Variants in MDM1 observed in about 807,000 individuals in gnomAD.
MDM1 encodes stabilizer of axonemal microtubules 6, also known as Mdm1 nuclear protein.
Under a neutral mutation model 89.1 loss-of-function variants are expected in MDM1, and 61 were observed. The ratio of observed to expected loss-of-function variants is 0.68; its 90% confidence interval spans 0.56 to 0.85. The LOEUF (loss-of-function observed/expected upper bound fraction) is 0.85. Among genes scored for constraint, MDM1 ranks in the 40% least tolerant of loss-of-function variants. The pLI is 0.00. For missense variants in MDM1, 820 were observed against 846.5 expected, an observed-to-expected ratio of 0.97 and a Z score of 0.39; for synonymous variants, 290 against 294.1, an observed-to-expected ratio of 0.99 and a Z score of 0.14.
At chr12:68,326,435 A>T in intron 3 of MDM1, 1 of 1,457,700 alleles carries the variant, frequency 6.9e-7, no homozygotes, top group African/African-American at 1.4e-5. Context: ...CATCCAATAA[A>T]CAGATTATCA....
At position 68,332,235 on chromosome 12, in the gene MDM1, C is replaced by T. The variant is rs925250920; in HGVS notation, c.11G>A (p.Arg4His). Reference sequence around the variant, plus strand: ...CGGGGACCCCAGCCTCACCTTGAAGCGCACCGGCATGTCGCCCGGCGCCGG... The same window carrying T: ...CGGGGACCCCAGCCTCACCTTGAAGTGCACCGGCATGTCGCCCGGCGCCGG... MPVRFKGLSEYQRN... is the reference protein window; with the variant it reads MPVHFKGLSEYQRN... The change falls in exon 1 of 15, where the codon CGC (arginine) becomes CAC (histidine). Residue 4 changes from arginine to histidine, a missense_variant. Coordinates refer to ENST00000682720, the MANE Select transcript of MDM1 (RefSeq NM_001354969.2). The T allele has an allele frequency of 1.3e-6, 2 of 1,581,736 alleles. No homozygotes were observed. The highest frequency in any genetic ancestry group is 8.6e-7 in the Non-Finnish European group (1 of 1,164,740).
chr12:68,312,514 T>C (rs1207600842), intron 12 of MDM1, among the ~76,000 whole-genome samples: 1 of 152,126 alleles, frequency 6.6e-6, no homozygotes, highest in Non-Finnish European at 1.5e-5. Flanking sequence ...CAAACAACCA[T>C]CACCTCCTGC....
At chr12:68,332,122 C>A in intron 1 of MDM1, 106 bp downstream of exon 1, 1 of 1,481,080 alleles carries the variant, frequency 6.8e-7, no homozygotes, top group South Asian at 1.2e-5. Context: ...CAGCTTCCGC[C>A]GGGCAGAGGG....
chr12:68,328,103 G>T (rs374081660), intron 2 of MDM1, among the ~76,000 whole-genome samples: 1 of 152,108 alleles, frequency 6.6e-6, no homozygotes, highest in Non-Finnish European at 1.5e-5. Context: ...ACTCCAGTGC[G>T]TCCGCCCAAG....
At chr12:68,298,183 A>T (rs1351396962) in intron 13 of MDM1, among the ~76,000 whole-genome samples, 1 of 152,150 alleles carries the variant, frequency 6.6e-6, no homozygotes, top group East Asian at 1.9e-4. Context: ...CCAGAAAACC[A>T]GTGCCTGACC....
intron 12 of MDM1, among the ~76,000 whole-genome samples, chr12:68,311,537 T>G (rs1592964356): frequency 6.6e-6 from 1 of 152,182 alleles, no homozygotes; most frequent in Non-Finnish European, 1.5e-5. Context: ...TTTCCCTCTT[T>G]TAACAATAAA....
chr12:68,318,663 T>C (rs1221339405), intron 7 of MDM1, among the ~76,000 whole-genome samples: 3 of 152,148 alleles, frequency 2.0e-5, no homozygotes, highest in Non-Finnish European at 4.4e-5. Context: ...ATGAACTCAA[T>C]GTTAAATAGA....
chr12:68,295,218 C>A lies in MDM1; in HGVS notation c.*36G>T. On this transcript the variant is annotated 3_prime_UTR_variant, in exon 15 of 15. Coordinates refer to ENST00000682720, the MANE Select transcript of MDM1 (RefSeq NM_001354969.2). ...CAGTAAGCAATAAAGAAAAATTATG[C>A]CAATGTTTCCTTAGATAAAGGCAAC... 7.2e-7 allele frequency: 1 copy of A among 1,387,756 alleles called. No homozygotes were observed. The highest frequency in any genetic ancestry group is 1.0e-6 in the Non-Finnish European group (1 of 1,000,294). 86.0% of individuals were successfully genotyped at this position (1,387,756 alleles called of 1,614,324 possible).
intron 12 of MDM1, among the ~76,000 whole-genome samples, chr12:68,303,635 G>C (rs187725372): frequency 5.8e-4 from 88 of 152,142 alleles, no homozygotes; most frequent in Non-Finnish European, 9.4e-4. Flanking sequence ...ATAAGCATCT[G>C]GTTTTAAAAA....
chr12:68,329,536 A>G (rs1876491815), intron 2 of MDM1, among the ~76,000 whole-genome samples: 2 of 152,230 alleles, frequency 1.3e-5, no homozygotes, highest in African/African-American at 4.8e-5. Flanking sequence ...AAACCCTCCC[A>G]GTAATCCTAT....
chr12:68,327,320 A>G, intron 2 of MDM1: 2 of 1,468,130 alleles, frequency 1.4e-6, no homozygotes, highest in Non-Finnish European at 1.8e-6. Flanking sequence ...AACGTGATAG[A>G]CCTGGCAGGC....
chr12:68,317,535 A>T (rs974955674), intron 7 of MDM1, among the ~76,000 whole-genome samples: 2 of 152,206 alleles, frequency 1.3e-5, no homozygotes, highest in Non-Finnish European at 2.9e-5. Context: ...CCAAAGCAAA[A>T]GACAGCACCT....
intron 3 of MDM1, 33 bp from the exon 4 acceptor site, chr12:68,325,608 T>TA (rs1365342193): frequency 2.7e-6 from 4 of 1,473,292 alleles, no homozygotes; most frequent in Non-Finnish European, 3.6e-6. Context: ...TCAAAGACAT[T>TA]AAAAATTTCT....
intron 12 of MDM1, among the ~76,000 whole-genome samples, chr12:68,304,213 A>G (rs1872581300): frequency 6.6e-6 from 1 of 152,200 alleles, no homozygotes; most frequent in Admixed American, 6.5e-5. Context: ...GAGTTTGACC[A>G]GCCTGGTCAA....
rs561002989 is a variant in MDM1 at position 68,327,032 on chromosome 12, C to T, written c.134-11G>A. On this transcript the variant is annotated splice_polypyrimidine_tract_variant and intron_variant, in intron 2 of 14. Transcript: ENST00000682720. The stretch of plus-strand genomic sequence containing the variant: ...GCTCTTTCGTGATGCCTACAAAACA[C>T]GGTATACAAAAATAGTAGCTACTAA... 59 of 1,560,220 alleles carry T rather than the reference C, an allele frequency of 3.8e-5. No individual in the cohort carries two copies. Among genetic ancestry groups the T allele is most frequent in the Middle Eastern group, 1.7e-4 (1 of 5,814 alleles).
chr12:68,301,288 A>C (rs920789208), intron 13 of MDM1, among the ~76,000 whole-genome samples: 4 of 152,224 alleles, frequency 2.6e-5, no homozygotes, highest in Non-Finnish European at 5.9e-5. Context: ...CATTAAAAGG[A>C]ATGAAATAAT....
rs1406244759 is a variant in MDM1, at chr12:68,316,633, C to A, written c.1006-23G>T. On this transcript the variant is annotated intron_variant, in intron 7 of 14. Transcript: ENST00000682720. ...ACCCTAGAGAAGGAATACAGAAACA[C>A]ACTTAATGATAGGTTAATGCCATAA... 3 of 1,521,084 alleles carry A rather than the reference C, an allele frequency of 2.0e-6. No individual in the cohort carries two copies. In the East Asian group the frequency reaches 7.4e-5, roughly 37 times the overall value. 94.2% of individuals were successfully genotyped at this position (1,521,084 alleles called of 1,614,324 possible). A position where few individuals can be genotyped will look rare whatever the true frequency, so the allele number is the denominator to read the frequency against.
At chr12:68,297,051 TA>T in intron 13 of MDM1, 69 bp from the exon 14 acceptor site, 1 of 1,104,200 alleles carries the variant, frequency 9.1e-7, no homozygotes, top group Non-Finnish European at 1.3e-6. Flanking sequence ...AATTATATAC[TA>T]AACTGTTAGT....
intron 12 of MDM1, among the ~76,000 whole-genome samples, chr12:68,309,817 C>T (rs78313750): frequency 0.015 from 2,280 of 152,270 alleles, 55 homozygotes; most frequent in African/African-American, 0.052. Context: ...TTTAGTGACT[C>T]CTCTGCCTAC....
Sources: allele counts gnomAD v4.1 joint callset (sites outside exome capture counted in the v4.1 genomes callset), GRCh38; gene constraint gnomAD v4.1.1; transcripts MANE v1.5; gene names NCBI Gene and HGNC (gene_info 2026-07-23, HGNC 2026-07-21).